GNA12: variants seen among roughly 807,000 people sequenced by gnomAD.
The protein encoded by GNA12 is G protein subunit alpha 12, also known as guanine nucleotide-binding protein subunit alpha-12.
In GNA12, 9 loss-of-function variants were observed where a neutral mutation model predicts 26.0. That is an observed-to-expected ratio of 0.35 (90% CI 0.21 to 0.60). GNA12 has a LOEUF of 0.60. Ranked by LOEUF, GNA12 falls within the 20% of genes least tolerant of loss-of-function variation. The pLI is 0.78. For synonymous variants in GNA12, 264 were observed against 219.6 expected, an observed-to-expected ratio of 1.20 and a Z score of -1.79; for missense variants, 405 against 525.8, an observed-to-expected ratio of 0.77 and a Z score of 2.25.
chr7:2,748,296 T>C (rs1790865440), intron 2 of GNA12, among the ~76,000 whole-genome samples: 1 of 152,174 alleles, frequency 6.6e-6, no homozygotes, highest in Non-Finnish European at 1.5e-5. Flanking sequence ...AGCATGGTAC[T>C]GGTACCAAAA....
intron 2 of GNA12, chr7:2,762,261 A>T (rs1054435484): frequency 6.5e-5 from 14 of 216,402 alleles, no homozygotes; most frequent in African/African-American, 9.1e-5. Context: ...ACCCTGACTT[A>T]GGGTCGTCAC....
At chr7:2,736,045 C>T (rs79817374) in intron 2 of GNA12, among the ~76,000 whole-genome samples, 2,559 of 152,252 alleles carry the variant, frequency 0.017, 29 homozygotes, top group Middle Eastern at 0.031. Flanking sequence ...GCCCACGGGA[C>T]GATCGTTTGC....
chr7:2,756,161 T>A (rs1158414699), intron 2 of GNA12, among the ~76,000 whole-genome samples: 1 of 152,160 alleles, frequency 6.6e-6, no homozygotes, highest in Non-Finnish European at 1.5e-5. Context: ...TATGGCCAAT[T>A]GATTTATAAA....
At chr7:2,762,787 G>C (rs977536903) in intron 2 of GNA12, 1 of 1,540,870 alleles carries the variant, frequency 6.5e-7, no homozygotes, top group Non-Finnish European at 8.8e-7. Context: ...CTGTACAAAA[G>C]GGAGGAGGAG....
At chr7:2,787,854 G>C (rs950878280) in intron 2 of GNA12, among the ~76,000 whole-genome samples, 9 of 152,310 alleles carry the variant, frequency 5.9e-5, no homozygotes, top group Admixed American at 1.3e-4. Context: ...TACCACGGCA[G>C]AGAGAAAACA....
intron 1 of GNA12, among the ~76,000 whole-genome samples, chr7:2,843,106 A>G (rs1417327350): frequency 5.3e-5 from 8 of 149,806 alleles, no homozygotes; most frequent in African/African-American, 1.7e-4. Context: ...GAGCCTTTCT[A>G]AAAAAACAGA....
At chr7:2,788,563 T>C (rs1323214796) in intron 2 of GNA12, among the ~76,000 whole-genome samples, 1 of 152,220 alleles carries the variant, frequency 6.6e-6, no homozygotes, top group Non-Finnish European at 1.5e-5. Flanking sequence ...AAACAATAAG[T>C]AGTTCCACTT....
At chr7:2,788,760 C>G (rs888808153) in intron 2 of GNA12, among the ~76,000 whole-genome samples, 1 of 152,214 alleles carries the variant, frequency 6.6e-6, no homozygotes, top group Admixed American at 6.5e-5. Flanking sequence ...CCTGCTATGA[C>G]CACACTGCCT....
intron 2 of GNA12, among the ~76,000 whole-genome samples, chr7:2,744,334 G>C (rs868608761): frequency 2.0e-5 from 3 of 152,276 alleles, no homozygotes; most frequent in East Asian, 1.9e-4. Flanking sequence ...CCAGAGGAAC[G>C]ATCAGGCAGC....
intron 1 of GNA12, among the ~76,000 whole-genome samples, chr7:2,801,237 G>GT (rs1792802260): frequency 6.6e-6 from 1 of 152,158 alleles, no homozygotes; most frequent in Non-Finnish European, 1.5e-5. Context: ...GACCCACCAG[G>GT]TATCTATTCA....
At chr7:2,805,662 T>A (rs1227589566) in intron 1 of GNA12, among the ~76,000 whole-genome samples, 1 of 152,232 alleles carries the variant, frequency 6.6e-6, no homozygotes, top group African/African-American at 2.4e-5. Flanking sequence ...AGCTGACCTC[T>A]GAGGACCCAA....
At chr7:2,826,991 A>G (rs1793499687) in intron 1 of GNA12, among the ~76,000 whole-genome samples, 1 of 152,228 alleles carries the variant, frequency 6.6e-6, no homozygotes, top group Admixed American at 6.5e-5. Context: ...ACACTAATGC[A>G]AGATGTTACT....
intron 2 of GNA12, among the ~76,000 whole-genome samples, chr7:2,755,118 T>A (rs1028137725): frequency 1.3e-5 from 2 of 152,126 alleles, no homozygotes; most frequent in African/African-American, 4.8e-5. Context: ...GTCTGTCCAG[T>A]GACCTCGTGT....
chr7:2,772,095 CT>C (rs1791962714), intron 2 of GNA12, among the ~76,000 whole-genome samples: 1 of 152,190 alleles, frequency 6.6e-6, no homozygotes, highest in South Asian at 2.1e-4. Context: ...ATCTTTTGTC[CT>C]TTTAAAAAAA....
chr7:2,764,405 GA>G (rs1254249142), intron 2 of GNA12, among the ~76,000 whole-genome samples: 1 of 152,118 alleles, frequency 6.6e-6, no homozygotes, highest in African/African-American at 2.4e-5. Flanking sequence ...TATTCACACA[GA>G]AGTACATCTG....
At chr7:2,737,282 T>G (rs1370434289) in intron 2 of GNA12, among the ~76,000 whole-genome samples, 2 of 60,612 alleles carry the variant, frequency 3.3e-5, no homozygotes, top group South Asian at 6.6e-4. Flanking sequence ...TTGTTTTTTT[T>G]TTTTTTGTTT....
intron 1 of GNA12, among the ~76,000 whole-genome samples, chr7:2,802,817 G>T (rs756666632): frequency 3.9e-5 from 6 of 152,170 alleles, no homozygotes; most frequent in Non-Finnish European, 7.3e-5. Flanking sequence ...GCGCCTCTTA[G>T]TTCCTCTCGA....
chr7:2,843,796 G>C lies in GNA12; in HGVS notation c.309+57C>G, dbSNP rs545381776. ...GGCGGACCACGGAGGGGCCCGGGGCGGGGGTTAGCGCCCCGGCCCACCTGG... is the reference window on the plus strand; with the variant it reads ...GGCGGACCACGGAGGGGCCCGGGGCCGGGGTTAGCGCCCCGGCCCACCTGG... On this transcript the variant is annotated intron_variant, in intron 1 of 3. Transcript: ENST00000275364. 4.0e-5 allele frequency: 39 copies of C among 981,460 alleles called. No homozygotes were observed. The African/African-American group carries it at 6.2e-4, about 16-fold the overall frequency. 60.8% of individuals were successfully genotyped at this position (981,460 alleles called of 1,614,324 possible). A position where few individuals can be genotyped will look rare whatever the true frequency, so the allele number is the denominator to read the frequency against.
intron 1 of GNA12, among the ~76,000 whole-genome samples, chr7:2,834,193 C>G (rs1778763442): frequency 6.6e-6 from 1 of 152,224 alleles, no homozygotes; most frequent in Non-Finnish European, 1.5e-5. Context: ...TCTTTAGTAT[C>G]TCTATGTATT....
Sources: gnomAD v4.1 joint callset for allele counts (sites outside exome capture counted in the v4.1 genomes callset) on GRCh38, gnomAD v4.1.1 for gene constraint, MANE v1.5 for transcripts, NCBI Gene and HGNC (gene_info 2026-07-23, HGNC 2026-07-21) for gene names.